Variants in MROH9 observed in about 807,000 individuals in gnomAD.
The protein encoded by MROH9 is maestro heat like repeat family member 9.
A neutral mutation model predicts 98.2 loss-of-function variants in MROH9; 92 were observed. That is an observed-to-expected ratio of 0.94 (90% CI 0.79 to 1.11). The LOEUF is 1.11. Ranked by LOEUF, MROH9 falls within the 50% of genes most tolerant of loss-of-function variation. The pLI is 0.00. For missense variants in MROH9, 1,057 were observed against 1,014.8 expected, an observed-to-expected ratio of 1.04 and a Z score of -0.57; for synonymous variants, 397 against 368.9, an observed-to-expected ratio of 1.08 and a Z score of -0.87.
At chr1:170,987,933 T>A (rs1257679732) in intron 10 of MROH9, among the ~76,000 whole-genome samples, 1 of 152,214 alleles carries the variant, frequency 6.6e-6, no homozygotes, top group Non-Finnish European at 1.5e-5. Flanking sequence ...ACAGTTTCAA[T>A]AAGATGCTTA....
In MROH9 at chr1:171,062,093, T is replaced by C. The variant is rs139123903; in HGVS notation, c.2282-39T>C. On this transcript the variant is annotated intron_variant, in intron 20 of 21. Transcript: ENST00000367759. The stretch of plus-strand genomic sequence containing the variant: ...AACATCAGAAAATGTATTTTCATAA[T>C]GCATGTTGCAGTAACTTTAATTTTT... 1,095 of 1,268,686 alleles carry C rather than the reference T, an allele frequency of 8.6e-4. 8 individuals carry two copies. The African/African-American group carries it at 0.014, about 17-fold the overall frequency. 78.6% of individuals were successfully genotyped at this position (1,268,686 alleles called of 1,614,324 possible). A position where few individuals can be genotyped will look rare whatever the true frequency, so the allele number is the denominator to read the frequency against.
At position 170,996,645 on chromosome 1, in the gene MROH9, G is replaced by A. The variant is rs1347755383; in HGVS notation, c.1475+1G>A. 3 of 1,613,090 alleles carry A rather than the reference G, an allele frequency of 1.9e-6. No individual in the cohort carries two copies. The highest frequency in any genetic ancestry group is 2.5e-6 in the Non-Finnish European group (3 of 1,179,422). ...ATCATGGAGTCTGCTTTATTGCTAA[G>A]TAAGAACAGGGGTCTCTGTGTAGGA... On this transcript the variant is annotated splice_donor_variant, in intron 14 of 21. Transcript: ENST00000367759. LOFTEE classifies it high-confidence loss of function.
At position 171,014,133 on chromosome 1, in the gene MROH9, T is replaced by A. The variant is rs1203185705; in HGVS notation, c.1613T>A (p.Phe538Tyr). 7.1e-6 allele frequency: 11 copies of A among 1,550,688 alleles called. No homozygotes were observed. Among genetic ancestry groups the A allele is most frequent in the Non-Finnish European group, 9.6e-6 (11 of 1,146,650 alleles). ...IFLTELLNNF[F>Y]KDPLPEEFLV... ...TTCTTTCAGCTTCTGAATAACTTCT[T>A]CAAGGACCCTTTACCAGAAGAATTT... The change falls in exon 16 of 22, where the codon TTC becomes TAC. Residue 538 changes from phenylalanine to tyrosine, a missense_variant. Coordinates refer to ENST00000367759, the MANE Select transcript of MROH9 (RefSeq NM_001163629.2).
intron 7 of MROH9, among the ~76,000 whole-genome samples, chr1:170,969,630 A>C (rs929409820): frequency 6.6e-6 from 1 of 152,188 alleles, no homozygotes; most frequent in South Asian, 2.1e-4. Flanking sequence ...AAACCATAGA[A>C]GTGGTTGCTT....
chr1:170,973,180 C>G (rs897056759), intron 8 of MROH9, among the ~76,000 whole-genome samples: 1 of 152,048 alleles, frequency 6.6e-6, no homozygotes, highest in Non-Finnish European at 1.5e-5. Context: ...CTAAAGAGAG[C>G]CCCCTTTAAG....
At position 171,013,848 on chromosome 1, in the gene MROH9, A is replaced by C. The variant is rs1369746292; in HGVS notation, c.1597-269A>C. Among the ~76,000 whole-genome samples the C allele has an allele frequency of 2.0e-5, 3 of 150,548 alleles. No individual in the cohort carries two copies. The Admixed American group carries it at 2.0e-4, about 10-fold the overall frequency. Reference sequence around the variant, plus strand: ...ATTTAAATTGGGTCACTCAGTTTCCAACAATGGAGGAAAATGTAAAATACA... The same window carrying C: ...ATTTAAATTGGGTCACTCAGTTTCCCACAATGGAGGAAAATGTAAAATACA... On this transcript the variant is annotated intron_variant, in intron 15 of 21. Coordinates refer to ENST00000367759, the MANE Select transcript of MROH9 (RefSeq NM_001163629.2).
At chr1:170,995,595 C>T (rs73038205) in intron 13 of MROH9, 64 bp downstream of exon 13, 5 of 1,570,456 alleles carry the variant, frequency 3.2e-6, no homozygotes, top group Non-Finnish European at 3.5e-6. Context: ...AATACTTCTA[C>T]CCTCTTGGGT....
intron 20 of MROH9, among the ~76,000 whole-genome samples, chr1:171,057,519 A>G (rs1653879357): frequency 6.6e-6 from 1 of 152,202 alleles, no homozygotes; most frequent in South Asian, 2.1e-4. Context: ...ATGGGACGAA[A>G]GGAAACAAGC....
At chr1:171,018,166 T>TTGAG (rs1652392385) in intron 17 of MROH9, among the ~76,000 whole-genome samples, 2 of 151,476 alleles carry the variant, frequency 1.3e-5, no homozygotes, top group Non-Finnish European at 1.5e-5. Flanking sequence ...TTGGTGCCCC[T>TTGAG]CGAGATCCCA....
rs1320793632 is a variant in MROH9 at position 170,995,423 on chromosome 1, G to A, written c.1229G>A (p.Gly410Asp). 1 of 1,613,320 alleles carries A rather than the reference G, an allele frequency of 6.2e-7. No individual in the cohort carries two copies. The highest frequency in any genetic ancestry group is 8.5e-7 in the Non-Finnish European group (1 of 1,179,536). ...CQALCTFLPL[G>D]SYRKAVAQYF... ...GCCCTGTGCACCTTTCTGCCTCTTG[G>A]TTCCTACAGGAAAGCGGTGGCCCAG... Residue 410 changes from glycine to aspartate, a missense_variant, in exon 13 of 22, where the codon GGT (glycine) becomes GAT (aspartate). Physicochemically the swap from Gly to Asp is moderately conservative, Grantham distance 94. Transcript: ENST00000367759.
intron 11 of MROH9, among the ~76,000 whole-genome samples, chr1:170,990,920 G>A (rs1181033461): frequency 6.6e-6 from 1 of 152,072 alleles, no homozygotes; most frequent in Non-Finnish European, 1.5e-5. Flanking sequence ...TTTTCAGACT[G>A]AAAGATGGTA....
intron 8 of MROH9, among the ~76,000 whole-genome samples, chr1:170,975,004 A>T (rs1650624600): frequency 6.6e-6 from 1 of 152,104 alleles, no homozygotes; most frequent in African/African-American, 2.4e-5. Context: ...AGTTATATAT[A>T]TTAAGCCAAA....
chr1:170,955,093 T>C (rs1168596156), intron 3 of MROH9, among the ~76,000 whole-genome samples: 2 of 152,136 alleles, frequency 1.3e-5, no homozygotes, highest in South Asian at 2.1e-4. Context: ...TTACTTTACT[T>C]AGAATAGTAG....
chr1:170,992,740 A>G (rs1301505985), intron 12 of MROH9, among the ~76,000 whole-genome samples: 3 of 152,148 alleles, frequency 2.0e-5, no homozygotes, highest in Admixed American at 6.6e-5. Flanking sequence ...AGAGAAGGGA[A>G]AAGTCTCGTA....
intron 20 of MROH9, among the ~76,000 whole-genome samples, chr1:171,042,144 C>T (rs1653328730): frequency 6.6e-6 from 1 of 152,060 alleles, no homozygotes; most frequent in Non-Finnish European, 1.5e-5. Flanking sequence ...CCCCATTACC[C>T]TTTCTAGCTT....
intron 7 of MROH9, among the ~76,000 whole-genome samples, chr1:170,970,470 G>C (rs1650399334): frequency 6.6e-6 from 1 of 152,064 alleles, no homozygotes; most frequent in Non-Finnish European, 1.5e-5. Flanking sequence ...GCCTAGAGCA[G>C]AGGCTGTCTG....
intron 20 of MROH9, among the ~76,000 whole-genome samples, chr1:171,044,847 C>T (rs1349376802): frequency 6.6e-6 from 1 of 151,238 alleles, no homozygotes; most frequent in Non-Finnish European, 1.5e-5. Flanking sequence ...GATCCTCTCC[C>T]TTTTTTTCTT....
chr1:170,936,359 A>T (rs1648882496), intron 1 of MROH9, among the ~76,000 whole-genome samples: 2 of 152,198 alleles, frequency 1.3e-5, no homozygotes, highest in South Asian at 4.1e-4. Context: ...CGAGGGCAGC[A>T]GATTTGTGTC....
intron 15 of MROH9, among the ~76,000 whole-genome samples, chr1:171,011,263 A>G (rs181796980): frequency 1.4e-3 from 215 of 152,330 alleles, no homozygotes; most frequent in African/African-American, 5.0e-3. Context: ...AATCATCAAT[A>G]GATGTTAAAA....
Sources: gnomAD v4.1 joint callset for allele counts (sites outside exome capture counted in the v4.1 genomes callset) on GRCh38, gnomAD v4.1.1 for gene constraint, MANE v1.5 for transcripts, NCBI Gene and HGNC (gene_info 2026-07-23, HGNC 2026-07-21) for gene names.